The following CEMIP variants were observed in gnomAD, a reference collection of about 807,000 sequenced individuals.
The protein encoded by CEMIP is cell migration inducing hyaluronidase 1, also known as cell migration-inducing and hyaluronan-binding protein.
In CEMIP, 105 loss-of-function variants were observed where a neutral mutation model predicts 156.9. The ratio of observed to expected loss-of-function variants is 0.67; its 90% CI spans 0.57 to 0.79. CEMIP has a LOEUF of 0.79. Ranked by LOEUF, CEMIP falls within the 30% of genes least tolerant of loss-of-function variation. CEMIP has a pLI of 0.00. For missense variants in CEMIP, 1,457 were observed against 1,769.4 expected (o/e 0.82, Z 3.17); for synonymous variants, 676 against 668.4 (o/e 1.01, Z -0.17).
chr15:80,788,703 G>A lies in CEMIP; in HGVS notation c.-176+9089G>A, dbSNP rs141148735. Among the ~76,000 whole-genome samples the A allele has an allele frequency of 7.3e-3, 1,107 of 151,896 alleles. 10 individuals carry two copies. The highest frequency in any genetic ancestry group is 0.024 in the African/African-American group (981 of 41,446). On this transcript the variant is annotated intron_variant, in intron 1 of 29. Coordinates refer to ENST00000394685, the MANE Select transcript of CEMIP (RefSeq NM_001293298.2). ...TAAAACCCTGTTTATTTTCAGAGGC[G>A]TTTAATCCATATGTTTTAGATCCAT...
At chr15:80,882,767 C>CACACACACACACAT (rs1898706896) in intron 6 of CEMIP, among the ~76,000 whole-genome samples, 1 of 151,936 alleles carries the variant, frequency 6.6e-6, no homozygotes, top group African/African-American at 2.4e-5. Flanking sequence ...TACACACACA[C>CACACACACACACAT]ACACACACAC....
In CEMIP at chr15:80,932,147, A is replaced by G; in HGVS notation, c.2793+108A>G. On this transcript the variant is annotated intron_variant, in intron 22 of 29. Transcript: ENST00000394685. The surrounding 1 kb of genome is among the most constrained non-coding windows in gnomAD (Gnocchi z 4.5). Reference sequence around the variant, plus strand: ...GCTATTGCCACCACCGCAGGGGTTGAGAAGCCTCCTCCAACTAGGCTGGGC... The same window carrying G: ...GCTATTGCCACCACCGCAGGGGTTGGGAAGCCTCCTCCAACTAGGCTGGGC... The G allele has an allele frequency of 7.8e-7, 1 of 1,276,464 alleles. No individual in the cohort carries two copies. The highest frequency in any genetic ancestry group is 2.3e-5 in the East Asian group (1 of 42,870). The allele number at this position is 1,276,464 out of a possible 1,614,324, so 79.1% of individuals were successfully genotyped here.
chr15:80,855,090 G>A (rs1291848881), intron 1 of CEMIP, among the ~76,000 whole-genome samples: 1 of 152,240 alleles, frequency 6.6e-6, no homozygotes, highest in Non-Finnish European at 1.5e-5. Context: ...AGGTGGCTGA[G>A]ATGGAAGGAT....
At chr15:80,814,518 C>T (rs1896747047) in intron 1 of CEMIP, among the ~76,000 whole-genome samples, 1 of 152,192 alleles carries the variant, frequency 6.6e-6, no homozygotes, top group Non-Finnish European at 1.5e-5. Context: ...CAATCTCCTA[C>T]TCTTCCTTCA....
rs1901399999 is a variant in CEMIP, at chr15:80,942,972, G to A, written c.3727G>A (p.Glu1243Lys). 6.2e-7 allele frequency: 1 copy of A among 1,614,104 alleles called. No individual in the cohort carries two copies. Among genetic ancestry groups the A allele is most frequent in the African/African-American group, 1.3e-5 (1 of 74,918 alleles). ...GGATGGGAAGAAGTACCCCAGTTCG[G>A]AGGATGGCATCCAGGTGGTGGTGAT... is the stretch of plus-strand genomic sequence containing the variant. ...EVDGKKYPSS[E>K]DGIQVVVIDG... The change falls in exon 28 of 30, where the codon GAG becomes AAG. Residue 1243 changes from glutamate (E) to lysine (K), a missense_variant. By Grantham distance (56) the Glu-to-Lys change is moderately conservative (BLOSUM62 1). Around this residue, in one of 5 missense-constraint regions of CEMIP, gnomAD observed 798 missense variants for 980.1 expected, o/e 0.81. Transcript: ENST00000394685.
At chr15:80,913,223 T>G (rs1900135125) in intron 14 of CEMIP, among the ~76,000 whole-genome samples, 1 of 152,210 alleles carries the variant, frequency 6.6e-6, no homozygotes, top group Non-Finnish European at 1.5e-5. Flanking sequence ...CTCTTTCCCT[T>G]TCTTCACCAC....
intron 1 of CEMIP, among the ~76,000 whole-genome samples, chr15:80,853,197 A>G (rs1897755000): frequency 6.6e-6 from 1 of 152,326 alleles, no homozygotes; most frequent in East Asian, 1.9e-4. Flanking sequence ...GGGCTGAAGA[A>G]CTAAGACTTT....
At chr15:80,870,964 C>T (rs1898268349) in intron 1 of CEMIP, among the ~76,000 whole-genome samples, 1 of 152,220 alleles carries the variant, frequency 6.6e-6, no homozygotes, top group Admixed American at 6.5e-5. Context: ...CTCCAGCTAA[C>T]AGCTTCCTGC....
At chr15:80,785,796 C>G (rs766308540) in intron 1 of CEMIP, among the ~76,000 whole-genome samples, 8 of 152,182 alleles carry the variant, frequency 5.3e-5, no homozygotes, top group Non-Finnish European at 8.8e-5. Context: ...CATGAAGTTT[C>G]TTACCTGCCT....
chr15:80,900,638 G>GTGTGTGTGTCTGTGTGTC lies in CEMIP; in HGVS notation c.1411+4587_1411+4588insCTGTGTGTCTGTGTGTGT, dbSNP rs1567090935. ...TGTGTGTGTGTGTGTGTGTGTGTGTGTGTGTGTGTGTCTGTGTGTGTGTCT... is the reference window on the plus strand; with the variant it reads ...TGTGTGTGTGTGTGTGTGTGTGTGTGTGTGTGTGTCTGTGTGTCTGTGTGTGTGTCTGTGTGTGTGTCT... On this transcript the variant is annotated intron_variant, in intron 12 of 29. Transcript: ENST00000394685. 4.6e-3 allele frequency among the ~76,000 whole-genome samples: 470 copies of GTGTGTGTGTCTGTGTGTC among 101,738 alleles called. 3 individuals carry two copies. Among genetic ancestry groups the GTGTGTGTGTCTGTGTGTC allele is most frequent in the Non-Finnish European group, 8.1e-3 (388 of 47,750 alleles). The allele number at this position is 101,738 out of a possible 152,430, so 66.7% of individuals were successfully genotyped here.
intron 14 of CEMIP, among the ~76,000 whole-genome samples, chr15:80,912,883 A>G (rs1265880862): frequency 6.6e-6 from 1 of 152,190 alleles, no homozygotes; most frequent in Non-Finnish European, 1.5e-5. Flanking sequence ...GGACAAAAAG[A>G]GGCCAAATAC....
At chr15:80,844,080 C>G (rs1329921074) in intron 1 of CEMIP, among the ~76,000 whole-genome samples, 1 of 152,274 alleles carries the variant, frequency 6.6e-6, no homozygotes, top group Non-Finnish European at 1.5e-5. Context: ...TTTGCACCCC[C>G]ACTTCCCTGG....
intron 1 of CEMIP, among the ~76,000 whole-genome samples, chr15:80,828,272 C>T (rs965078795): frequency 3.9e-5 from 6 of 151,916 alleles, no homozygotes; most frequent in African/African-American, 9.7e-5. Context: ...CCCAGTTACT[C>T]GGGAGGCTCA....
At chr15:80,797,074 A>C (rs1412408020) in intron 1 of CEMIP, among the ~76,000 whole-genome samples, 1 of 152,176 alleles carries the variant, frequency 6.6e-6, no homozygotes, top group Non-Finnish European at 1.5e-5. Context: ...AAAGATGTCC[A>C]GAGAAGTCTT....
At chr15:80,824,421 T>G (rs1896982954) in intron 1 of CEMIP, among the ~76,000 whole-genome samples, 3 of 152,172 alleles carry the variant, frequency 2.0e-5, no homozygotes, top group Admixed American at 1.3e-4. Flanking sequence ...GGCAGTCCCC[T>G]CTGTCACAGT....
intron 1 of CEMIP, among the ~76,000 whole-genome samples, chr15:80,860,347 G>C (rs1016318161): frequency 1.3e-5 from 2 of 152,154 alleles, no homozygotes; most frequent in African/African-American, 4.8e-5. Context: ...CAGCCTTCTT[G>C]GACCCTATCA....
intron 21 of CEMIP, among the ~76,000 whole-genome samples, chr15:80,930,301 T>C (rs975558965): frequency 2.6e-5 from 4 of 152,254 alleles, no homozygotes; most frequent in African/African-American, 9.6e-5. Flanking sequence ...TCAGCATGTG[T>C]ATGAGTGACC....
At chr15:80,780,715 G>A (rs1474627516) in intron 1 of CEMIP, among the ~76,000 whole-genome samples, 6 of 152,234 alleles carry the variant, frequency 3.9e-5, no homozygotes, top group African/African-American at 1.4e-4. Context: ...CTGCGGTCTG[G>A]AAAGTGATCC....
intron 1 of CEMIP, among the ~76,000 whole-genome samples, chr15:80,816,569 A>G (rs751073041): frequency 2.4e-4 from 36 of 152,140 alleles, no homozygotes; most frequent in Non-Finnish European, 4.6e-4. Flanking sequence ...GCCCTCCCTG[A>G]TTACTCCAGA....
Sources: allele counts gnomAD v4.1 joint callset (sites outside exome capture counted in the v4.1 genomes callset), GRCh38; gene constraint gnomAD v4.1.1; regional missense constraint gnomAD v4.1.1; non-coding constraint Gnocchi (gnomAD v3.1); transcripts MANE v1.5; gene names NCBI Gene and HGNC (gene_info 2026-07-23, HGNC 2026-07-21).